Variants in DCLK1 observed in about 807,000 individuals in gnomAD.
The protein encoded by DCLK1 is serine/threonine-protein kinase DCLK1.
Under a neutral mutation model 86.2 loss-of-function variants are expected in DCLK1, and 16 were observed. The observed-to-expected ratio is 0.19, with a 90% CI of 0.13 to 0.28. DCLK1 has a LOEUF of 0.28. DCLK1 is among the 10% of genes least tolerant of loss of function. DCLK1 has a pLI of 1.00. For missense variants in DCLK1, 590 were observed against 940.2 expected (o/e 0.63, Z 4.87); for synonymous variants, 369 against 370.5 (o/e 1.00, Z 0.05).
intron 3 of DCLK1, among the ~76,000 whole-genome samples, chr13:36,056,618 T>TA (rs71196600): frequency 3.1e-4 from 34 of 109,762 alleles, no homozygotes; most frequent in African/African-American, 6.4e-4. Flanking sequence ...AAGTATAATT[T>TA]AAAAAAAAAA....
intron 3 of DCLK1, among the ~76,000 whole-genome samples, chr13:36,070,163 CA>C (rs1376917955): frequency 2.0e-5 from 3 of 152,084 alleles, no homozygotes; most frequent in Non-Finnish European, 4.4e-5. Flanking sequence ...TTTTTAAATC[CA>C]AAAACATCCT....
At chr13:36,059,375 A>T (rs1883454716) in intron 3 of DCLK1, among the ~76,000 whole-genome samples, 1 of 151,558 alleles carries the variant, frequency 6.6e-6, no homozygotes, top group African/African-American at 2.4e-5. Context: ...TTAATGCTAG[A>T]AACTTGGCAT....
At chr13:36,125,378 T>C (rs2138219209) in intron 2 of DCLK1, among the ~76,000 whole-genome samples, 1 of 152,278 alleles carries the variant, frequency 6.6e-6, no homozygotes, top group South Asian at 2.1e-4. Flanking sequence ...TCATGATCCA[T>C]TTGTCATTTT....
chr13:35,982,439 GGA>G (rs1879703551), intron 3 of DCLK1, among the ~76,000 whole-genome samples: 1 of 38,074 alleles, frequency 2.6e-5, no homozygotes, highest in East Asian at 1.1e-3. Flanking sequence ...AGAGGGGGAG[GGA>G]GGGAGGGAGG....
rs1421201481 is a variant in DCLK1 at position 35,947,339 on chromosome 13, G to T, written c.823+19C>A. 5 of 1,608,598 alleles carry T rather than the reference G, an allele frequency of 3.1e-6. No individual in the cohort carries two copies. The highest frequency in any genetic ancestry group is 3.3e-5 in the Admixed American group (2 of 59,908). Reference sequence around the variant, plus strand: ...GCTGCCTCAAATTTCCCCTGGTTTTGAACTTTTTTTTTCCTTACCACTTTC... The same window carrying T: ...GCTGCCTCAAATTTCCCCTGGTTTTTAACTTTTTTTTTCCTTACCACTTTC... On this transcript the variant is annotated intron_variant, in intron 4 of 16. Transcript: ENST00000360631.
At chr13:35,938,032 A>T (rs191415891) in intron 4 of DCLK1, among the ~76,000 whole-genome samples, 4 of 152,328 alleles carry the variant, frequency 2.6e-5, no homozygotes, top group Admixed American at 6.5e-5. Context: ...AGGCAAGGTC[A>T]CAAAGAGAAA....
At chr13:35,935,279 TG>T (rs1420290080) in intron 4 of DCLK1, among the ~76,000 whole-genome samples, 1 of 152,162 alleles carries the variant, frequency 6.6e-6, no homozygotes, top group African/African-American at 2.4e-5. Context: ...CCAAGGAGTC[TG>T]TAGGCAGTGG....
At chr13:35,894,003 TA>T (rs757704502) in intron 4 of DCLK1, among the ~76,000 whole-genome samples, 8 of 152,120 alleles carry the variant, frequency 5.3e-5, no homozygotes, top group Non-Finnish European at 8.8e-5. Context: ...ACAATTACTA[TA>T]AAAATAATAT....
At chr13:36,091,047 T>C (rs907221665) in intron 3 of DCLK1, among the ~76,000 whole-genome samples, 13 of 152,248 alleles carry the variant, frequency 8.5e-5, no homozygotes, top group African/African-American at 2.9e-4. Context: ...GTTCTTTTCC[T>C]GTAAATTTGT....
intron 3 of DCLK1, among the ~76,000 whole-genome samples, chr13:36,035,098 C>T (rs1882434370): frequency 6.6e-6 from 1 of 152,112 alleles, no homozygotes; most frequent in Non-Finnish European, 1.5e-5. Flanking sequence ...GTCAGTCCTG[C>T]CCACCAAATC....
intron 4 of DCLK1, among the ~76,000 whole-genome samples, chr13:35,919,233 T>C (rs1875633866): frequency 6.6e-6 from 1 of 152,162 alleles, no homozygotes; most frequent in East Asian, 1.9e-4. Flanking sequence ...ATTAAGTTTT[T>C]TAAAAGTGCA....
At chr13:36,006,765 G>C (rs1880982836) in intron 3 of DCLK1, among the ~76,000 whole-genome samples, 1 of 152,186 alleles carries the variant, frequency 6.6e-6, no homozygotes, top group African/African-American at 2.4e-5. Context: ...TTTGGATCTA[G>C]AGGACTCAGG....
At chr13:35,909,332 T>C (rs1874865791) in intron 4 of DCLK1, among the ~76,000 whole-genome samples, 1 of 152,136 alleles carries the variant, frequency 6.6e-6, no homozygotes. Context: ...TATTTGCACA[T>C]AAAATGGAAG....
intron 8 of DCLK1, among the ~76,000 whole-genome samples, chr13:35,835,563 T>C (rs1869305903): frequency 6.6e-6 from 1 of 152,214 alleles, no homozygotes; most frequent in South Asian, 2.1e-4. Context: ...TTCATTTTAA[T>C]ACGTCTTAAT....
At chr13:35,803,794 A>G (rs1285563071) in intron 15 of DCLK1, among the ~76,000 whole-genome samples, 5 of 152,222 alleles carry the variant, frequency 3.3e-5, no homozygotes, top group South Asian at 2.1e-4. Context: ...GTGGCCTTCA[A>G]TGTACAGCCA....
At chr13:35,853,782 T>C (rs1454855480) in intron 6 of DCLK1, among the ~76,000 whole-genome samples, 1 of 152,282 alleles carries the variant, frequency 6.6e-6, no homozygotes, top group African/African-American at 2.4e-5. Context: ...GTTTTTGGCA[T>C]TGTACCTCCC....
chr13:35,830,133 C>T (rs1868832531), intron 8 of DCLK1, among the ~76,000 whole-genome samples: 1 of 152,138 alleles, frequency 6.6e-6, no homozygotes, highest in Admixed American at 6.5e-5. Flanking sequence ...TGCCTATAAT[C>T]CCAGCACTTT....
chr13:35,956,143 G>A (rs1877964247), intron 3 of DCLK1, among the ~76,000 whole-genome samples: 1 of 152,086 alleles, frequency 6.6e-6, no homozygotes, highest in African/African-American at 2.4e-5. Context: ...TAAAAACTGT[G>A]ACACAGTAGT....
chr13:35,844,335 T>C (rs1870025434), intron 6 of DCLK1, among the ~76,000 whole-genome samples: 1 of 152,242 alleles, frequency 6.6e-6, no homozygotes, highest in African/African-American at 2.4e-5. Flanking sequence ...GTTATGGCTA[T>C]GTTAGTGAAA....
Sources: allele counts gnomAD v4.1 joint callset (sites outside exome capture counted in the v4.1 genomes callset), GRCh38; gene constraint gnomAD v4.1.1; transcripts MANE v1.5; gene names NCBI Gene and HGNC (gene_info 2026-07-23, HGNC 2026-07-21).